UNC5A: variants seen among roughly 807,000 people sequenced by gnomAD.
The protein encoded by UNC5A is netrin receptor UNC5A.
A neutral mutation model predicts 87.4 loss-of-function variants in UNC5A; 20 were observed. That is an observed-to-expected ratio of 0.23 (90% CI 0.16 to 0.33). UNC5A has a LOEUF of 0.33. UNC5A is among the 10% of genes least tolerant of loss of function. The pLI is 1.00. For synonymous variants in UNC5A, 438 were observed against 482.3 expected, an observed-to-expected ratio of 0.91 and a Z score of 1.20; for missense variants, 844 against 1,133.4, an observed-to-expected ratio of 0.74 and a Z score of 3.67.
chr5:176,871,876 C>T (rs1449934580), intron 6 of UNC5A, among the ~76,000 whole-genome samples: 60 of 15,358 alleles, frequency 3.9e-3, no homozygotes, highest in African/African-American at 9.1e-3. Flanking sequence ...ACTCGCCCAA[C>T]ACCACAGCTT....
chr5:176,854,609 G>A (rs1263513479), intron 1 of UNC5A, among the ~76,000 whole-genome samples: 1 of 152,192 alleles, frequency 6.6e-6, no homozygotes, highest in Non-Finnish European at 1.5e-5. Context: ...TGAACTGAGG[G>A]GTTCATTGGT....
At chr5:176,860,094 A>T (rs1179181209) in intron 1 of UNC5A, among the ~76,000 whole-genome samples, 2 of 152,042 alleles carry the variant, frequency 1.3e-5, no homozygotes, top group East Asian at 3.9e-4. Context: ...CTGCCCCCAC[A>T]CGCCCAGCCA....
intron 1 of UNC5A, among the ~76,000 whole-genome samples, chr5:176,835,729 ATGTGTGTG>A (rs55990257): frequency 2.8e-5 from 4 of 145,396 alleles, no homozygotes; most frequent in South Asian, 2.2e-4. Context: ...TTGATAAAGG[ATGTGTGTG>A]TGTGTGTGTG....
chr5:176,853,034 C>T (rs1362743026), intron 1 of UNC5A, among the ~76,000 whole-genome samples: 2 of 152,212 alleles, frequency 1.3e-5, no homozygotes, highest in African/African-American at 4.8e-5. Context: ...AGGCCAGGTC[C>T]TCGGTGACAG....
intron 1 of UNC5A, among the ~76,000 whole-genome samples, chr5:176,826,328 G>A (rs1756851978): frequency 6.6e-6 from 1 of 152,232 alleles, no homozygotes; most frequent in African/African-American, 2.4e-5. Flanking sequence ...CCTGAGGCCT[G>A]GGACAGGGGC....
chr5:176,843,617 G>A (rs923931640), intron 1 of UNC5A, among the ~76,000 whole-genome samples: 2 of 152,362 alleles, frequency 1.3e-5, no homozygotes, highest in African/African-American at 2.4e-5. Context: ...AAGCAGAGCC[G>A]GGGTGTAGTA....
intron 1 of UNC5A, among the ~76,000 whole-genome samples, chr5:176,857,089 G>A (rs1471777173): frequency 2.0e-5 from 3 of 152,194 alleles, no homozygotes; most frequent in Non-Finnish European, 2.9e-5. Context: ...CCTGAGCCCC[G>A]CTCCCTCGAG....
rs775312984 is a variant in UNC5A, at chr5:176,868,567, G to A, written c.443G>A (p.Arg148His). 41 of 1,600,768 alleles carry A rather than the reference G, an allele frequency of 2.6e-5. No individual in the cohort carries two copies. The highest frequency in any genetic ancestry group is 1.7e-4 in the Middle Eastern group (1 of 5,924). Residue 148 changes from arginine (R) to histidine (H), a missense_variant, in exon 4 of 15, where the codon CGC (arginine) becomes CAC (histidine). This residue lies in a region of UNC5A where 314 missense variants were observed against 466.5 expected (regional missense o/e 0.67). Coordinates refer to ENST00000329542, the MANE Select transcript of UNC5A (RefSeq NM_133369.3). ...QKAYIRIAYL[R>H]KNFEQEPLAK... is the part of the protein sequence containing the mutation. The stretch of plus-strand genomic sequence containing the variant: ...ACTCTCATTCCTCTTCTAGATTTGC[G>A]CAAGAACTTCGAGCAGGAGCCGCTG...
chr5:176,867,575 C>A (rs916767430), intron 2 of UNC5A, among the ~76,000 whole-genome samples: 2 of 152,200 alleles, frequency 1.3e-5, no homozygotes, highest in Middle Eastern at 3.2e-3. Context: ...CATCCCGGCA[C>A]GTGGGAAACC....
intron 1 of UNC5A, among the ~76,000 whole-genome samples, chr5:176,818,047 C>G (rs1283678324): frequency 1.4e-4 from 22 of 152,028 alleles, no homozygotes; most frequent in Admixed American, 1.4e-3. Context: ...CGTCCAGCCT[C>G]CGGGCACCGC....
In UNC5A at chr5:176,841,765, CATCAAA is replaced by C. The variant is rs541170647; in HGVS notation, c.71-20855_71-20850del. 6.6e-6 allele frequency among the ~76,000 whole-genome samples: 1 copy of C among 152,248 alleles called. No homozygotes were observed. Among genetic ancestry groups the C allele is most frequent in the Admixed American group, 6.5e-5 (1 of 15,294 alleles). ...AGCTCTTAGCAGATTTACTGAAAAT[CATCAAA>C]ATCTCACTTCTGAAAAGAAGGTATA... is the stretch of plus-strand genomic sequence containing the variant. On this transcript the variant is annotated intron_variant, in intron 1 of 14. Coordinates refer to ENST00000329542, the MANE Select transcript of UNC5A (RefSeq NM_133369.3). The surrounding 1 kb of genome is among the most constrained non-coding windows in gnomAD (Gnocchi z 4.1).
chr5:176,836,327 C>T (rs554300115), intron 1 of UNC5A, among the ~76,000 whole-genome samples: 12 of 152,322 alleles, frequency 7.9e-5, no homozygotes, highest in Admixed American at 6.5e-4. Context: ...CTTGTGGTCA[C>T]GCCTCCTCAG....
At chr5:176,859,344 C>T (rs71591844) in intron 1 of UNC5A, among the ~76,000 whole-genome samples, 109 of 5,320 alleles carry the variant, frequency 0.02, 2 homozygotes, top group South Asian at 0.033. Context: ...TGCTAGAATG[C>T]CCTTGCTAGA....
In UNC5A at chr5:176,810,829, C is replaced by T; in HGVS notation, c.70+9C>T. On this transcript the variant is annotated intron_variant, in intron 1 of 14. Coordinates refer to ENST00000329542, the MANE Select transcript of UNC5A (RefSeq NM_133369.3). The surrounding 1 kb of genome is among the most constrained non-coding windows in gnomAD (Gnocchi z 7.3). ...TTGGCTCCGCGGCTCGGGTGAGTCA[C>T]GCCGCGCGCGCTCTGGGGAGGCTTG... 2 of 1,221,998 alleles carry T rather than the reference C, an allele frequency of 1.6e-6. No individual in the cohort carries two copies. Among genetic ancestry groups the T allele is most frequent in the Non-Finnish European group, 2.0e-6 (2 of 981,454 alleles). The allele number at this position is 1,221,998 out of a possible 1,614,324, so 75.7% of individuals were successfully genotyped here.
chr5:176,830,622 G>A (rs548274675), intron 1 of UNC5A, among the ~76,000 whole-genome samples: 73 of 143,672 alleles, frequency 5.1e-4, no homozygotes, highest in African/African-American at 1.7e-3. Flanking sequence ...GTGCGCTGGC[G>A]TGTGTGTGTG....
chr5:176,829,231 AGATGGATG>A (rs201421794), intron 1 of UNC5A, among the ~76,000 whole-genome samples: 5 of 91,374 alleles, frequency 5.5e-5, no homozygotes, highest in Non-Finnish European at 9.0e-5. Context: ...GATGTATGAA[AGATGGATG>A]GATGGATGGA....
intron 1 of UNC5A, among the ~76,000 whole-genome samples, chr5:176,845,392 C>T (rs137923214): frequency 1.1e-3 from 163 of 152,358 alleles, no homozygotes; most frequent in African/African-American, 3.1e-3. Flanking sequence ...ATATGCTTTG[C>T]TTATGCTGTT....
intron 12 of UNC5A, 21 bp downstream of exon 12, chr5:176,878,414 C>G: frequency 6.2e-7 from 1 of 1,613,072 alleles, no homozygotes; most frequent in East Asian, 2.2e-5. Context: ...GGGCCGTGGC[C>G]AGCGCACAAG....
At position 176,878,295 on chromosome 5, in the gene UNC5A, C is replaced by T. The variant is rs1236317946; in HGVS notation, c.1921C>T (p.Arg641Trp). 1.2e-6 allele frequency: 2 copies of T among 1,613,156 alleles called. No homozygotes were observed. The highest frequency in any genetic ancestry group is 8.5e-7 in the Non-Finnish European group (1 of 1,179,994). The change falls in exon 12 of 15, where the codon CGG (arginine) becomes TGG (tryptophan). Residue 641 changes from arginine to tryptophan, a missense_variant. Coordinates refer to ENST00000329542, the MANE Select transcript of UNC5A (RefSeq NM_133369.3). ...QLGGQLIQEPRVLHFKDSYHN... is the reference protein window; with the variant it reads ...QLGGQLIQEPWVLHFKDSYHN... ...GGGGGGACAGCTGATCCAGGAGCCA[C>T]GGGTCCTGCACTTCAAGGACAGTTA...
Sources: gnomAD v4.1 joint callset for allele counts (sites outside exome capture counted in the v4.1 genomes callset) on GRCh38, gnomAD v4.1.1 for gene constraint, gnomAD v4.1.1 regional missense constraint, Gnocchi (gnomAD v3.1) non-coding constraint, MANE v1.5 for transcripts, NCBI Gene and HGNC (gene_info 2026-07-23, HGNC 2026-07-21) for gene names.